ZNF215: variants seen among roughly 807,000 people sequenced by gnomAD.
ZNF215 encodes BWSCR2-associated zinc finger protein 2.
Under a neutral mutation model 27.2 loss-of-function variants are expected in ZNF215, and 24 were observed. The ratio of observed to expected loss-of-function variants is 0.88; its 90% CI spans 0.64 to 1.24. ZNF215 has a LOEUF of 1.24. Among genes scored for constraint, ZNF215 ranks in the 50% most tolerant of loss-of-function variants. The pLI, the probability that ZNF215 is intolerant of heterozygous loss-of-function variation, is 0.00. For missense variants in ZNF215, 675 were observed against 605.7 expected (o/e 1.11, Z -1.20); for synonymous variants, 210 against 204.0 (o/e 1.03, Z -0.25).
In ZNF215 at chr11:6,956,676, GGATA is replaced by G; in HGVS notation, c.*148_*151del. The G allele has an allele frequency of 7.2e-7, 1 of 1,388,586 alleles. No homozygotes were observed. Among genetic ancestry groups the G allele is most frequent in the African/African-American group, 1.5e-5 (1 of 68,844 alleles). The allele number at this position is 1,388,586 out of a possible 1,614,324, so 86.0% of individuals were successfully genotyped here. On this transcript the variant is annotated 3_prime_UTR_variant, in exon 7 of 7. Coordinates refer to ENST00000278319, the MANE Select transcript of ZNF215 (RefSeq NM_013250.4). ...TAAATGATATCACAGAATTAATGTT[GGATA>G]GAAATATCATTGGATAGAAATCTGT...
At chr11:6,932,889 A>G (rs1849314362) in intron 3 of ZNF215, among the ~76,000 whole-genome samples, 1 of 152,202 alleles carries the variant, frequency 6.6e-6, no homozygotes, top group Admixed American at 6.5e-5. Flanking sequence ...TGCCAGTTAA[A>G]AATATTATGT....
At chr11:6,968,876 A>T (rs748073802) in intron 5 of ZNF215, among the ~76,000 whole-genome samples, 12 of 151,964 alleles carry the variant, frequency 7.9e-5, no homozygotes, top group Non-Finnish European at 1.6e-4. Flanking sequence ...AAAAAAAAAA[A>T]TTTAAATTAC....
chr11:6,954,993 G>A (rs1009541005), intron 6 of ZNF215, among the ~76,000 whole-genome samples: 2 of 152,138 alleles, frequency 1.3e-5, no homozygotes, highest in South Asian at 2.1e-4. Context: ...TAAATAAAAC[G>A]GAAATGAGGA....
Position 6,932,682 on chromosome 11 carries a change from TA to T in ZNF215, c.400+13del. ...ATGCTTGAAGATGAAGGTAAGAATA[TA>T]AAGAAATTAGAGGTAAAATACTTGA... On this transcript the variant is annotated intron_variant, in intron 3 of 6. Transcript: ENST00000278319. 1.3e-6 allele frequency: 2 copies of T among 1,587,404 alleles called. No homozygotes were observed. The highest frequency in any genetic ancestry group is 1.7e-6 in the Non-Finnish European group (2 of 1,167,944).
In ZNF215 at chr11:6,956,595, A is replaced by T; in HGVS notation, c.*64A>T. 1 of 1,480,668 alleles carries T rather than the reference A, an allele frequency of 6.8e-7. No homozygotes were observed. The highest frequency in any genetic ancestry group is 8.9e-7 in the Non-Finnish European group (1 of 1,123,274). 91.7% of individuals were successfully genotyped at this position (1,480,668 alleles called of 1,614,324 possible). On this transcript the variant is annotated 3_prime_UTR_variant, in exon 7 of 7. Coordinates refer to ENST00000278319, the MANE Select transcript of ZNF215 (RefSeq NM_013250.4). ...AGAACTCATTTAACATCATGAATTT[A>T]TGCTGGATAAAATCTCATGAATATA...
At chr11:6,939,657 A>G (rs1300206423) in intron 3 of ZNF215, among the ~76,000 whole-genome samples, 1 of 152,128 alleles carries the variant, frequency 6.6e-6, no homozygotes, top group Non-Finnish European at 1.5e-5. Context: ...AGAACTTGAG[A>G]ATGTATATAG....
intron 6 of ZNF215, among the ~76,000 whole-genome samples, chr11:6,949,853 T>G (rs1849981823): frequency 7.1e-6 from 1 of 141,612 alleles, no homozygotes; most frequent in Non-Finnish European, 1.7e-5. Flanking sequence ...TTCTAGGGTT[T>G]TTATGGTTTC....
chr11:6,972,314 TTA>T (rs1850734176), intron 5 of ZNF215, among the ~76,000 whole-genome samples: 1 of 151,894 alleles, frequency 6.6e-6, no homozygotes, highest in Non-Finnish European at 1.5e-5. Flanking sequence ...GGTATGACTG[TTA>T]AAATAAGACT....
chr11:6,979,461 T>C (rs1850904274), intron 5 of ZNF215, among the ~76,000 whole-genome samples: 1 of 152,064 alleles, frequency 6.6e-6, no homozygotes, highest in Admixed American at 6.6e-5. Flanking sequence ...TTCTGTTACT[T>C]ATATCTGTTT....
chr11:6,954,108 G>A (rs1850211701), intron 6 of ZNF215, among the ~76,000 whole-genome samples: 1 of 152,128 alleles, frequency 6.6e-6, no homozygotes, highest in Non-Finnish European at 1.5e-5. Context: ...TTGTCTCAGA[G>A]GAATACCCGG....
intron 6 of ZNF215, among the ~76,000 whole-genome samples, chr11:6,945,391 A>C (rs1184454057): frequency 6.6e-6 from 1 of 152,076 alleles, no homozygotes; most frequent in African/African-American, 2.4e-5. Flanking sequence ...TCCTCTAGCT[A>C]TTACTCTTTT....
intron 6 of ZNF215, among the ~76,000 whole-genome samples, chr11:6,955,465 G>C (rs368393232): frequency 6.6e-6 from 1 of 152,040 alleles, no homozygotes. Flanking sequence ...GCCCTATACC[G>C]TTTTTTTAGT....
At chr11:6,952,163 C>T (rs181991393) in intron 6 of ZNF215, among the ~76,000 whole-genome samples, 128 of 152,164 alleles carry the variant, frequency 8.4e-4, no homozygotes, top group African/African-American at 3.0e-3. Flanking sequence ...AGTATGTGGT[C>T]AGTTTTGGAA....
chr11:6,991,717 A>T (rs1456824549), downstream of ZNF215, among the ~76,000 whole-genome samples: 1 of 152,174 alleles, frequency 6.6e-6, no homozygotes, highest in Non-Finnish European at 1.5e-5. Flanking sequence ...TCATATTTTC[A>T]TGATTTTGTG....
At chr11:6,934,712 T>C (rs1849376547) in intron 3 of ZNF215, among the ~76,000 whole-genome samples, 1 of 152,210 alleles carries the variant, frequency 6.6e-6, no homozygotes, top group Non-Finnish European at 1.5e-5. Flanking sequence ...TGTAATTAGG[T>C]TGTGATCACC....
intron 6 of ZNF215, among the ~76,000 whole-genome samples, chr11:6,951,994 C>T (rs1590066011): frequency 6.6e-6 from 1 of 152,240 alleles, no homozygotes; most frequent in East Asian, 1.9e-4. Context: ...GTTATGCACC[C>T]AGTAGTCATT....
intron 3 of ZNF215, 129 bp downstream of exon 3, chr11:6,932,801 C>A: frequency 2.4e-6 from 2 of 849,770 alleles, no homozygotes; most frequent in Non-Finnish European, 3.5e-6. Context: ...TATTAGGAAG[C>A]CTTGACTTTA....
intron 5 of ZNF215, among the ~76,000 whole-genome samples, chr11:6,980,185 C>T (rs1435741786): frequency 2.0e-5 from 3 of 151,930 alleles, no homozygotes; most frequent in African/African-American, 4.8e-5. Context: ...AAAATTACTG[C>T]AGTCATTGGA....
At chr11:6,970,929 G>A (rs920289292) in intron 5 of ZNF215, among the ~76,000 whole-genome samples, 36 of 152,084 alleles carry the variant, frequency 2.4e-4, no homozygotes, top group Non-Finnish European at 1.2e-4. Flanking sequence ...AACCCTGTGG[G>A]GGAACTTTAT....
Sources: allele counts gnomAD v4.1 joint callset (sites outside exome capture counted in the v4.1 genomes callset), GRCh38; gene constraint gnomAD v4.1.1; transcripts MANE v1.5; gene names NCBI Gene and HGNC (gene_info 2026-07-23, HGNC 2026-07-21).